Variants in ABI3BP observed in about 807,000 individuals in gnomAD.
ABI3BP encodes ABI family member 3 binding protein, also known as target of Nesh-SH3.
A neutral mutation model predicts 268.6 loss-of-function variants in ABI3BP; 216 were observed. The observed-to-expected ratio is 0.80, with a 90% CI of 0.72 to 0.90. The LOEUF (loss-of-function observed/expected upper bound fraction) is 0.90. ABI3BP is among the 40% of genes least tolerant of loss of function. The pLI is 0.00. For missense variants in ABI3BP, 2,090 were observed against 2,182.4 expected, an observed-to-expected ratio of 0.96 and a Z score of 0.84; for synonymous variants, 730 against 730.0, an observed-to-expected ratio of 1.00 and a Z score of 0.00.
intron 2 of ABI3BP, among the ~76,000 whole-genome samples, chr3:100,908,145 A>G (rs2054415543): frequency 6.6e-6 from 1 of 152,050 alleles, no homozygotes; most frequent in South Asian, 2.1e-4. Flanking sequence ...AAGAAAAAAA[A>G]GTAAGCCTAT....
At chr3:100,887,479 G>A (rs1309769513) in intron 4 of ABI3BP, among the ~76,000 whole-genome samples, 5 of 152,042 alleles carry the variant, frequency 3.3e-5, no homozygotes, top group African/African-American at 4.8e-5. Context: ...CTCCCAGTGA[G>A]CAGGTGATGA....
intron 67 of ABI3BP, 61 bp from the exon 68 acceptor site, chr3:100,750,671 C>T: frequency 8.1e-7 from 1 of 1,241,410 alleles, no homozygotes; most frequent in Non-Finnish European, 1.2e-6. Context: ...CCTCACAGCT[C>T]ATAGATTGAA....
chr3:100,769,078 C>G (rs2096447985), intron 62 of ABI3BP, among the ~76,000 whole-genome samples: 1 of 152,176 alleles, frequency 6.6e-6, no homozygotes, highest in Admixed American at 6.5e-5. Flanking sequence ...AAGAATTAAT[C>G]TCTATATTAT....
At chr3:100,924,399 C>G (rs937503811) in intron 2 of ABI3BP, among the ~76,000 whole-genome samples, 5 of 152,100 alleles carry the variant, frequency 3.3e-5, no homozygotes, top group African/African-American at 1.2e-4. Context: ...GATAAAAGCA[C>G]AGTGTTATTA....
chr3:100,916,391 A>C (rs1323686454), intron 2 of ABI3BP, among the ~76,000 whole-genome samples: 1 of 152,202 alleles, frequency 6.6e-6, no homozygotes. Context: ...AATAATTTAC[A>C]CAAGATGAGT....
At position 100,754,667 on chromosome 3, in the gene ABI3BP, T is replaced by C. The variant is rs1252990233; in HGVS notation, c.4875A>G (p.Lys1625=). 4 of 1,589,760 alleles carry C rather than the reference T, an allele frequency of 2.5e-6. No homozygotes were observed. Among genetic ancestry groups the C allele is most frequent in the Non-Finnish European group, 3.4e-6 (4 of 1,166,754 alleles). ...NTSYEFQVKP[K]NPLGEGPVSN... is the part of the protein sequence containing the mutation. The stretch of plus-strand genomic sequence containing the variant: ...TGACCGGGCCTTCACCAAGCGGGTT[T>C]TTGGGTTTCACCTGGAATTCATAAC... The change falls in exon 64 of 68, where the codon AAA becomes AAG. Residue 1625 remains lysine, a synonymous_variant. Coordinates refer to ENST00000471714, the MANE Select transcript of ABI3BP (RefSeq NM_001375547.2).
At chr3:100,945,689 T>C (rs1243991173) in intron 1 of ABI3BP, 1 of 436,310 alleles carries the variant, frequency 2.3e-6, no homozygotes, top group East Asian at 7.2e-5. Context: ...AAATAGAATT[T>C]TATGAATATA....
At position 100,812,154 on chromosome 3, in the gene ABI3BP, C is replaced by T. The variant is rs554729003; in HGVS notation, c.3421+313G>A. Among the ~76,000 whole-genome samples, 8 of 151,776 alleles carry T rather than the reference C, an allele frequency of 5.3e-5. No individual in the cohort carries two copies. In the East Asian group the frequency reaches 7.7e-4, roughly 15 times the overall value. ...AATGAGTACTTGGAGAGCAAAAGCA[C>T]GGGATGAATCCTAAAAGTGATATGA... On this transcript the variant is annotated intron_variant, in intron 46 of 67. Transcript: ENST00000471714.
chr3:100,796,790 G>GT lies in ABI3BP; in HGVS notation c.3758-323dup, dbSNP rs754400064. 2.5e-4 allele frequency among the ~76,000 whole-genome samples: 38 copies of GT among 152,182 alleles called. 1 individual carries two copies. Among genetic ancestry groups the GT allele is most frequent in the Non-Finnish European group, 4.6e-4 (31 of 67,974 alleles). ...AAGTGGCTTTCAAAATAGAAAGTCA[G>GT]TTTTTGCACAAAGTGGTTAGCTGCT... On this transcript the variant is annotated intron_variant, in intron 51 of 67. Coordinates refer to ENST00000471714, the MANE Select transcript of ABI3BP (RefSeq NM_001375547.2).
chr3:100,766,025 T>C (rs2096254223), intron 62 of ABI3BP, 76 bp from the exon 63 acceptor site: 1 of 1,080,204 alleles, frequency 9.3e-7, no homozygotes, highest in African/African-American at 1.6e-5. Context: ...GCTAATAGCA[T>C]AAAAAAGCCA....
chr3:100,843,491 G>A (rs1269199915), intron 20 of ABI3BP: 2 of 950,616 alleles, frequency 2.1e-6, no homozygotes, highest in African/African-American at 3.6e-5. Context: ...GAAAGGAAGG[G>A]AGGGAAAGAA....
intron 1 of ABI3BP, among the ~76,000 whole-genome samples, chr3:100,944,205 A>G (rs1421056802): frequency 3.9e-5 from 6 of 152,304 alleles, no homozygotes; most frequent in East Asian, 3.9e-4. Context: ...ATGAAAGTAG[A>G]TAAGTTTAAC....
At chr3:100,791,676 A>G (rs994113414) in intron 55 of ABI3BP, among the ~76,000 whole-genome samples, 3 of 151,874 alleles carry the variant, frequency 2.0e-5, no homozygotes, top group Non-Finnish European at 4.4e-5. Flanking sequence ...GCAAATAAAA[A>G]TTAAATGAAG....
chr3:100,797,282 C>T (rs548818640), intron 51 of ABI3BP, among the ~76,000 whole-genome samples: 1 of 152,176 alleles, frequency 6.6e-6, no homozygotes, highest in African/African-American at 2.4e-5. Context: ...TACCGTATTT[C>T]TCAGTGGGGA....
intron 1 of ABI3BP, among the ~76,000 whole-genome samples, chr3:100,965,506 C>A (rs201593804): frequency 1.7e-4 from 25 of 146,592 alleles, no homozygotes; most frequent in South Asian, 2.1e-4. Context: ...CTGAATAAAA[C>A]AAAAAAAAAA....
intron 2 of ABI3BP, among the ~76,000 whole-genome samples, chr3:100,903,152 C>T (rs986942106): frequency 6.6e-6 from 1 of 152,124 alleles, no homozygotes; most frequent in Non-Finnish European, 1.5e-5. Context: ...ATTTATAACG[C>T]CCTTCCTAAT....
intron 4 of ABI3BP, among the ~76,000 whole-genome samples, chr3:100,893,314 A>G (rs867004191): frequency 1.7e-4 from 26 of 152,096 alleles, no homozygotes; most frequent in African/African-American, 5.8e-4. Context: ...CTTGTTCCTC[A>G]GCTTGCAGAC....
intron 1 of ABI3BP, among the ~76,000 whole-genome samples, chr3:100,955,833 T>A (rs2076616812): frequency 6.6e-6 from 1 of 152,112 alleles, no homozygotes; most frequent in South Asian, 2.1e-4. Flanking sequence ...CAAAAAGCCA[T>A]ACTTTCATTG....
chr3:100,894,938 C>CAA lies in ABI3BP; in HGVS notation c.461+3822_461+3823dup, dbSNP rs58342344. On this transcript the variant is annotated intron_variant, in intron 4 of 67. Coordinates refer to ENST00000471714, the MANE Select transcript of ABI3BP (RefSeq NM_001375547.2). ...TGGGCGACAGAGCGGGATTCCGCTT[C>CAA]AAAAAAAAAAAAAAAAAAAAAAAAA... Among the ~76,000 whole-genome samples the CAA allele has an allele frequency of 2.7e-3, 103 of 37,708 alleles. 12 individuals are homozygous for CAA. The highest frequency in any genetic ancestry group is 7.9e-3 in the African/African-American group (69 of 8,680). The allele number at this position is 37,708 out of a possible 152,430, so 24.7% of individuals were successfully genotyped here.
Sources: allele counts gnomAD v4.1 joint callset (sites outside exome capture counted in the v4.1 genomes callset), GRCh38; gene constraint gnomAD v4.1.1; transcripts MANE v1.5; gene names NCBI Gene and HGNC (gene_info 2026-07-23, HGNC 2026-07-21).